The following SORCS1 variants were observed in gnomAD, a reference collection of about 807,000 sequenced individuals.
SORCS1 encodes sortilin related VPS10 domain containing receptor 1, also known as VPS10 domain-containing receptor SorCS1.
In SORCS1, 60 loss-of-function variants were observed where a neutral mutation model predicts 146.1. That is an observed-to-expected ratio of 0.41 (90% CI 0.33 to 0.51). The LOEUF (loss-of-function observed/expected upper bound fraction) is 0.51, where lower values mean the gene tolerates loss of function less well. Among genes scored for constraint, SORCS1 ranks in the 20% least tolerant of loss-of-function variants. The pLI is 0.21. For missense variants in SORCS1, 1,352 were observed against 1,487.6 expected, an observed-to-expected ratio of 0.91 and a Z score of 1.50; for synonymous variants, 637 against 584.0, an observed-to-expected ratio of 1.09 and a Z score of -1.31.
At chr10:106,738,260 T>C (rs1857108391) in intron 5 of SORCS1, among the ~76,000 whole-genome samples, 1 of 152,200 alleles carries the variant, frequency 6.6e-6, no homozygotes, top group South Asian at 2.1e-4. Flanking sequence ...TGCGATTGTC[T>C]AATAATTAAT....
At chr10:106,708,815 G>A (rs1854729966) in intron 7 of SORCS1, among the ~76,000 whole-genome samples, 1 of 152,086 alleles carries the variant, frequency 6.6e-6, no homozygotes, top group African/African-American at 2.4e-5. Flanking sequence ...ATTGGGGAGG[G>A]GGCTGATTGG....
At chr10:106,799,314 G>A (rs1395701959) in intron 3 of SORCS1, among the ~76,000 whole-genome samples, 2 of 152,156 alleles carry the variant, frequency 1.3e-5, no homozygotes, top group Non-Finnish European at 2.9e-5. Context: ...CAGGACCTAG[G>A]CATGGGCAAG....
At chr10:106,911,487 A>G (rs1952151323) in intron 2 of SORCS1, among the ~76,000 whole-genome samples, 1 of 151,832 alleles carries the variant, frequency 6.6e-6, no homozygotes, top group Admixed American at 6.6e-5. Context: ...CCTCAGCCCT[A>G]TCCTATTTAT....
intron 1 of SORCS1, among the ~76,000 whole-genome samples, chr10:106,986,364 C>A (rs1192022334): frequency 6.6e-6 from 1 of 152,036 alleles, no homozygotes; most frequent in Non-Finnish European, 1.5e-5. Flanking sequence ...CTCAACAGCT[C>A]AACAAACCCA....
At chr10:106,855,208 T>C (rs1949737767) in intron 2 of SORCS1, among the ~76,000 whole-genome samples, 1 of 152,194 alleles carries the variant, frequency 6.6e-6, no homozygotes. Context: ...ACTCTCTTCT[T>C]GCCTGTATAG....
rs577432144 is a variant in SORCS1 at position 106,927,705 on chromosome 10, A to G, written c.626+28808T>C. The stretch of plus-strand genomic sequence containing the variant: ...CACGTCCCCACCAGATTAGCTAGAT[A>G]CAGAGTGTTGACACAAAGGTTCTCC... On this transcript the variant is annotated intron_variant, in intron 2 of 25. Coordinates refer to ENST00000263054, the MANE Select transcript of SORCS1 (RefSeq NM_052918.5). Among the ~76,000 whole-genome samples the G allele has an allele frequency of 5.1e-4, 78 of 152,258 alleles. 2 individuals carry two copies. The South Asian group carries it at 0.016, about 31-fold the overall frequency.
At chr10:106,982,819 T>C (rs1956291291) in intron 1 of SORCS1, among the ~76,000 whole-genome samples, 1 of 152,174 alleles carries the variant, frequency 6.6e-6, no homozygotes, top group Non-Finnish European at 1.5e-5. Context: ...ATTCACCCAT[T>C]AATATGTTGC....
chr10:106,766,553 G>T (rs1859586839), intron 4 of SORCS1, among the ~76,000 whole-genome samples: 1 of 152,076 alleles, frequency 6.6e-6, no homozygotes, highest in Non-Finnish European at 1.5e-5. Context: ...GCATAGGAGG[G>T]GGCCACGACC....
chr10:106,851,444 C>T (rs902437477), intron 2 of SORCS1, among the ~76,000 whole-genome samples: 1 of 152,152 alleles, frequency 6.6e-6, no homozygotes, highest in Non-Finnish European at 1.5e-5. Context: ...GTTGTTTCAG[C>T]ACCATTTGTT....
intron 1 of SORCS1, among the ~76,000 whole-genome samples, chr10:107,133,507 T>C (rs1358890630): frequency 3.3e-5 from 5 of 152,138 alleles, no homozygotes; most frequent in East Asian, 3.9e-4. Flanking sequence ...AGCCTTTCAA[T>C]ATCCTTTATT....
At chr10:106,976,544 G>A (rs1381299265) in intron 1 of SORCS1, among the ~76,000 whole-genome samples, 1 of 151,972 alleles carries the variant, frequency 6.6e-6, no homozygotes, top group Non-Finnish European at 1.5e-5. Context: ...TGTTAGCTAG[G>A]ATGGTCTCGA....
At chr10:106,977,266 GA>G (rs1956067813) in intron 1 of SORCS1, among the ~76,000 whole-genome samples, 1 of 152,152 alleles carries the variant, frequency 6.6e-6, no homozygotes, top group African/African-American at 2.4e-5. Flanking sequence ...TTGTGGTTTG[GA>G]TTTGCATTTC....
rs1844609607 is a variant in SORCS1, at chr10:106,577,050, C to G, written c.*370G>C. The G allele has an allele frequency of 4.6e-6, 2 of 431,578 alleles. No individual in the cohort carries two copies. Among genetic ancestry groups the G allele is most frequent in the South Asian group, 4.2e-5 (2 of 47,266 alleles). The allele number at this position is 431,578 out of a possible 1,614,324, so 26.7% of individuals were successfully genotyped here. On this transcript the variant is annotated 3_prime_UTR_variant, in exon 26 of 26. Transcript: ENST00000263054. ...TACACTGCCCCTCCAGACATGTTCTCAGAGTATTGTCCACATGCACAGGCT... is the reference window on the plus strand; with the variant it reads ...TACACTGCCCCTCCAGACATGTTCTGAGAGTATTGTCCACATGCACAGGCT...
intron 5 of SORCS1, among the ~76,000 whole-genome samples, chr10:106,755,155 G>A (rs950787526): frequency 3.3e-5 from 5 of 152,160 alleles, no homozygotes; most frequent in Admixed American, 3.3e-4. Flanking sequence ...ACCACTGATC[G>A]TCCACCACCA....
At chr10:106,734,366 G>A (rs1332112795) in intron 5 of SORCS1, among the ~76,000 whole-genome samples, 1 of 152,110 alleles carries the variant, frequency 6.6e-6, no homozygotes, top group Non-Finnish European at 1.5e-5. Context: ...TCTCAGTGGG[G>A]GTGCCACTTA....
intron 2 of SORCS1, among the ~76,000 whole-genome samples, chr10:106,855,313 T>A (rs1949744318): frequency 6.6e-6 from 1 of 152,184 alleles, no homozygotes; most frequent in Admixed American, 6.5e-5. Context: ...TCTTTGATTA[T>A]CTGAATTTTG....
intron 18 of SORCS1, among the ~76,000 whole-genome samples, chr10:106,649,538 T>C (rs184065740): frequency 5.4e-4 from 83 of 152,364 alleles, no homozygotes; most frequent in African/African-American, 1.9e-3. Context: ...ACACCTCTGT[T>C]TGATTTTAGA....
At chr10:106,727,404 T>C (rs1281118880) in intron 6 of SORCS1, among the ~76,000 whole-genome samples, 5 of 152,208 alleles carry the variant, frequency 3.3e-5, no homozygotes, top group Admixed American at 6.5e-5. Flanking sequence ...GTAAAGTTGC[T>C]ATTCACAGTT....
intron 5 of SORCS1, among the ~76,000 whole-genome samples, chr10:106,731,307 A>G (rs1356426950): frequency 6.6e-6 from 1 of 150,792 alleles, no homozygotes; most frequent in Non-Finnish European, 1.5e-5. Flanking sequence ...AAAAAAAAAA[A>G]AAAAAAAAAA....
Sources: gnomAD v4.1 joint callset for allele counts (sites outside exome capture counted in the v4.1 genomes callset) on GRCh38, gnomAD v4.1.1 for gene constraint, MANE v1.5 for transcripts, NCBI Gene and HGNC (gene_info 2026-07-23, HGNC 2026-07-21) for gene names.